Variants in VTI1A observed in about 807,000 individuals in gnomAD.
VTI1A encodes the protein vesicle transport through interaction with t-SNAREs homolog 1A.
Under a neutral mutation model 34.9 loss-of-function variants are expected in VTI1A, and 22 were observed. That is an observed-to-expected ratio of 0.63 (90% CI 0.45 to 0.90). The LOEUF (loss-of-function observed/expected upper bound fraction) is 0.90, where lower values mean the gene tolerates loss of function less well. Ranked by LOEUF, VTI1A falls within the 40% of genes least tolerant of loss-of-function variation. The pLI is 0.00. For missense variants in VTI1A, 268 were observed against 275.6 expected (o/e 0.97, Z 0.20); for synonymous variants, 87 against 97.3 (o/e 0.89, Z 0.62).
intron 7 of VTI1A, among the ~76,000 whole-genome samples, chr10:112,700,278 A>T (rs1848965733): frequency 6.6e-6 from 1 of 152,192 alleles, no homozygotes; most frequent in Admixed American, 6.5e-5. Context: ...TGGTCCCTTG[A>T]TACCTAAATC....
intron 3 of VTI1A, among the ~76,000 whole-genome samples, chr10:112,492,542 C>T (rs934918857): frequency 3.3e-5 from 5 of 152,134 alleles, no homozygotes; most frequent in African/African-American, 1.2e-4. Context: ...GTAATCCCAA[C>T]TTTGGGAGAC....
chr10:112,817,264 C>G lies in VTI1A; in HGVS notation c.*1881C>G, dbSNP rs1218037839. On this transcript the variant is annotated 3_prime_UTR_variant, in exon 8 of 8. Transcript: ENST00000393077. ...AGTGTATAACCAGTTACCAGCTGCA[C>G]TTCGCACGGCCATCCCGTCCACAAT... The G allele has an allele frequency of 4.3e-6, 1 of 232,286 alleles. No homozygotes were observed. The allele number at this position is 232,286 out of a possible 1,614,324, so 14.4% of individuals were successfully genotyped here. A position where few individuals can be genotyped will look rare whatever the true frequency, so the allele number is the denominator to read the frequency against.
chr10:112,557,016 G>A (rs773438434), intron 5 of VTI1A, among the ~76,000 whole-genome samples: 9 of 151,816 alleles, frequency 5.9e-5, no homozygotes, highest in Non-Finnish European at 1.0e-4. Context: ...ATTGTTGACC[G>A]TTACTGATAT....
chr10:112,561,077 A>G (rs1263376146), intron 5 of VTI1A, among the ~76,000 whole-genome samples: 1 of 152,130 alleles, frequency 6.6e-6, no homozygotes. Flanking sequence ...CAAAAAAAAT[A>G]TTTTTTTAAA....
intron 6 of VTI1A, 122 bp downstream of exon 6, chr10:112,668,410 G>GGTC: frequency 1.9e-6 from 2 of 1,063,570 alleles, no homozygotes. Flanking sequence ...GAGGGTATAA[G>GGTC]GTCTGTGGAA....
the VTI1A span, among the ~76,000 whole-genome samples, chr10:112,848,972 C>T: frequency 1.3e-5 from 2 of 152,100 alleles, no homozygotes; most frequent in East Asian, 3.9e-4. Context: ...GGAGCAAAGC[C>T]AACTTTCTAC....
chr10:112,792,849 T>G (rs1422634160), intron 7 of VTI1A, among the ~76,000 whole-genome samples: 1 of 152,248 alleles, frequency 6.6e-6, no homozygotes, highest in East Asian at 1.9e-4. Context: ...CCTGAAATAT[T>G]TTGCCTGCCT....
Position 112,526,432 on chromosome 10 carries a change from G to A in VTI1A, c.265-655G>A, listed in dbSNP as rs34787692. Among the ~76,000 whole-genome samples the A allele has an allele frequency of 3.0e-3, 452 of 152,044 alleles. 2 individuals are homozygous for A. The highest frequency in any genetic ancestry group is 4.5e-3 in the Non-Finnish European group (306 of 67,968). On this transcript the variant is annotated intron_variant, in intron 3 of 7. Transcript: ENST00000393077. Reference sequence around the variant, plus strand: ...TCTTTTACCAGACACACACATGTACGCATGCATGCACACATGCACACACAC... The same window carrying A: ...TCTTTTACCAGACACACACATGTACACATGCATGCACACATGCACACACAC...
intron 5 of VTI1A, among the ~76,000 whole-genome samples, chr10:112,567,239 A>G (rs1564829750): frequency 6.6e-6 from 1 of 152,150 alleles, no homozygotes; most frequent in Non-Finnish European, 1.5e-5. Flanking sequence ...CATGTTGCCC[A>G]GGCTGTCTCG....
At chr10:112,456,587 G>A (rs1219537964) in intron 1 of VTI1A, among the ~76,000 whole-genome samples, 1 of 152,096 alleles carries the variant, frequency 6.6e-6, no homozygotes, top group Non-Finnish European at 1.5e-5. Context: ...AACAAGCAAA[G>A]ACTATATTAT....
At chr10:112,635,582 C>T (rs1846323823) in intron 5 of VTI1A, among the ~76,000 whole-genome samples, 3 of 152,048 alleles carry the variant, frequency 2.0e-5, no homozygotes, top group Non-Finnish European at 2.9e-5. Context: ...ACAATCGAGA[C>T]GTACTGATGG....
chr10:112,568,641 A>G (rs1005811063), intron 5 of VTI1A, among the ~76,000 whole-genome samples: 1 of 152,216 alleles, frequency 6.6e-6, no homozygotes, highest in Non-Finnish European at 1.5e-5. Flanking sequence ...GAGAACTCTA[A>G]ATAAGATCCC....
intron 3 of VTI1A, among the ~76,000 whole-genome samples, chr10:112,507,720 A>C (rs1381865853): frequency 6.6e-6 from 1 of 152,162 alleles, no homozygotes; most frequent in Non-Finnish European, 1.5e-5. Context: ...CCATGCTCTG[A>C]GCACTCAATG....
chr10:112,556,895 G>A (rs945160871), intron 5 of VTI1A, among the ~76,000 whole-genome samples: 5 of 151,986 alleles, frequency 3.3e-5, no homozygotes, highest in African/African-American at 1.2e-4. Flanking sequence ...GCTGGCATAA[G>A]CCTTGGAGAT....
At chr10:112,642,977 C>CTTTTTTTTTTTTTT (rs58619611) in intron 5 of VTI1A, among the ~76,000 whole-genome samples, 115 of 120,992 alleles carry the variant, frequency 9.5e-4, no homozygotes, top group South Asian at 1.3e-3. Flanking sequence ...TTTTTCTTTT[C>CTTTTTTTTTTTTTT]TTTTTTTTTT....
rs540641863 is a variant in VTI1A, at chr10:112,667,427, A to G, written c.428-791A>G. 2.0e-5 allele frequency among the ~76,000 whole-genome samples: 3 copies of G among 152,282 alleles called. No homozygotes were observed. The South Asian group carries it at 6.2e-4, about 32-fold the overall frequency. ...TCAAGCCATACCTACTGTCTTCTAA[A>G]AGGGTCTACGGCTGGAGAAGAGACT... On this transcript the variant is annotated intron_variant, in intron 5 of 7. Coordinates refer to ENST00000393077, the MANE Select transcript of VTI1A (RefSeq NM_145206.4).
At chr10:112,505,756 C>T (rs1023618263) in intron 3 of VTI1A, among the ~76,000 whole-genome samples, 7 of 151,836 alleles carry the variant, frequency 4.6e-5, no homozygotes, top group Admixed American at 3.3e-4. Flanking sequence ...TCACTCTAGT[C>T]TTAACCTCCC....
intron 5 of VTI1A, among the ~76,000 whole-genome samples, chr10:112,649,558 C>T (rs998983308): frequency 5.9e-5 from 9 of 152,164 alleles, no homozygotes; most frequent in African/African-American, 1.9e-4. Flanking sequence ...AGTATTGTCT[C>T]TGTAAATTCA....
chr10:112,746,616 T>A (rs1850905750), intron 7 of VTI1A, among the ~76,000 whole-genome samples: 3 of 148,670 alleles, frequency 2.0e-5, no homozygotes, highest in Admixed American at 2.0e-4. Flanking sequence ...TTTTCCACGC[T>A]AACAAGCGTG....
Sources: gnomAD v4.1 joint callset for allele counts (sites outside exome capture counted in the v4.1 genomes callset) on GRCh38, gnomAD v4.1.1 for gene constraint, MANE v1.5 for transcripts, NCBI Gene and HGNC (gene_info 2026-07-23, HGNC 2026-07-21) for gene names.